SCN11A: variants seen among roughly 807,000 people sequenced by gnomAD.
SCN11A encodes sodium voltage-gated channel alpha subunit 11.
SCN11A carries 122 observed loss-of-function variants against 162.2 expected under a neutral mutation model. The observed-to-expected ratio is 0.75, with a 90% CI of 0.65 to 0.87. SCN11A has a LOEUF of 0.87. SCN11A is among the 40% of genes least tolerant of loss of function. The probability of loss-of-function intolerance (pLI) is 0.00; values close to 1 mark genes in which losing one functional copy is unlikely to be tolerated. For synonymous variants in SCN11A, 758 were observed against 751.5 expected (o/e 1.01, Z -0.14); for missense variants, 2,015 against 2,181.6 (o/e 0.92, Z 1.52).
At chr3:39,038,752 A>G (rs1383389798) in intron 1 of SCN11A, among the ~76,000 whole-genome samples, 4 of 152,194 alleles carry the variant, frequency 2.6e-5, no homozygotes, top group Non-Finnish European at 5.9e-5. Context: ...TATGGACTAA[A>G]TAATGAAGTT....
chr3:38,878,415 A>T (rs2065255708), intron 23 of SCN11A, among the ~76,000 whole-genome samples: 1 of 152,048 alleles, frequency 6.6e-6, no homozygotes, highest in Non-Finnish European at 1.5e-5. Flanking sequence ...ACACAAAAAG[A>T]GGGTAGACCA....
At chr3:38,876,046 A>G (rs2065202067) in intron 23 of SCN11A, among the ~76,000 whole-genome samples, 1 of 152,150 alleles carries the variant, frequency 6.6e-6, no homozygotes, top group Non-Finnish European at 1.5e-5. Flanking sequence ...AAGAACCCAG[A>G]AATAAAGCCA....
intron 7 of SCN11A, among the ~76,000 whole-genome samples, chr3:38,940,487 G>A (rs1248056969): frequency 6.6e-6 from 1 of 152,164 alleles, no homozygotes; most frequent in Non-Finnish European, 1.5e-5. Context: ...TGAAAACGCA[G>A]ACCAATGGAA....
intron 22 of SCN11A, 93 bp downstream of exon 22, chr3:38,883,140 C>G: frequency 8.8e-7 from 1 of 1,132,496 alleles, no homozygotes; most frequent in Non-Finnish European, 1.3e-6. Context: ...TGTCTGGTCT[C>G]CCATATTCAC....
intron 7 of SCN11A, among the ~76,000 whole-genome samples, chr3:38,939,037 G>A (rs1435389220): frequency 6.6e-6 from 1 of 152,012 alleles, no homozygotes; most frequent in Non-Finnish European, 1.5e-5. Flanking sequence ...GCCAGGCGTG[G>A]TGGTGCATGT....
At chr3:38,949,977 AG>A in intron 5 of SCN11A, 118 bp downstream of exon 5, 1 of 667,008 alleles carries the variant, frequency 1.5e-6, no homozygotes, top group Non-Finnish European at 2.5e-6. Context: ...AGCAAAGAAG[AG>A]GCACAGCCTG....
Position 38,847,450 on chromosome 3 carries a change from G to A in SCN11A, c.4620C>T (p.Ser1540=). 6.2e-7 allele frequency: 1 copy of A among 1,614,198 alleles called. No homozygotes were observed. The highest frequency in any genetic ancestry group is 8.5e-7 in the Non-Finnish European group (1 of 1,180,034). The change falls in exon 30 of 30, where the codon AGC becomes AGT. Residue 1540 remains serine, a synonymous_variant. Coordinates refer to ENST00000302328, the MANE Select transcript of SCN11A (RefSeq NM_001349253.2). ...TGCTTATCTGGAAGAGACAGAGCAT[G>A]CTGCTGGCAAAAGTCTTGAAGTTGA... ...DIFNFKTFAS[S]MLCLFQISTS... is the part of the protein sequence containing the mutation.
Position 38,925,454 on chromosome 3 carries a change from G to A in SCN11A, c.673C>T (p.Arg225Cys), listed in dbSNP as rs138607170. 8 of 1,613,718 alleles carry A rather than the reference G, an allele frequency of 5.0e-6. No homozygotes were observed. Among genetic ancestry groups the A allele is most frequent in the African/African-American group, 1.3e-5 (1 of 74,906 alleles). ...ATTGCTTTCAAAGCTCTGAACACAC[G>A]GAAGGTACGCAGGGGCAATAGTTTG... ...TIKLLPLRTF[R>C]VFRALKAISV... The change falls in exon 9 of 30, where the codon CGT becomes TGT. Residue 225 changes from arginine (R) to cysteine (C), a missense_variant. Transcript: ENST00000302328.
chr3:38,925,580 G>T, intron 8 of SCN11A, 71 bp from the exon 9 acceptor site: 2 of 1,080,532 alleles, frequency 1.9e-6, no homozygotes, highest in Non-Finnish European at 2.8e-6. Flanking sequence ...CTCCACAAAA[G>T]CCACAAGTAA....
intron 1 of SCN11A, among the ~76,000 whole-genome samples, chr3:39,042,494 C>A (rs538053474): frequency 1.3e-5 from 2 of 152,198 alleles, no homozygotes; most frequent in East Asian, 3.9e-4. Flanking sequence ...CAAATGGGAT[C>A]ACATCAAGAT....
At chr3:38,910,353 A>G (rs751647854) in intron 11 of SCN11A, 146 bp from the exon 12 acceptor site, 205 of 667,988 alleles carry the variant, frequency 3.1e-4, no homozygotes, top group Non-Finnish European at 4.1e-4. Context: ...GGCCCACTGC[A>G]CTGTCTGACA....
In SCN11A at chr3:38,894,663, G is replaced by A. The variant is rs778817718; in HGVS notation, c.2705C>T (p.Ser902Phe). The A allele has an allele frequency of 8.1e-6, 13 of 1,613,998 alleles. No homozygotes were observed. In the Middle Eastern group the frequency reaches 4.9e-4, roughly 61 times the overall value. The change falls in exon 19 of 30, where the codon TCT (serine) becomes TTT (phenylalanine). Residue 902 changes from serine (S) to phenylalanine (F), a missense_variant. Transcript: ENST00000302328. ...ETQEELGILT[S>F]VPKTLGVRHD... Reference sequence around the variant, plus strand: ...CCTGACGCCCAGGGTCTTTGGTACAGAGGTTAGTATACCAAGCTCCTCCTG... The same window carrying A: ...CCTGACGCCCAGGGTCTTTGGTACAAAGGTTAGTATACCAAGCTCCTCCTG...
Position 38,926,853 on chromosome 3 carries a change from AG to A in SCN11A, c.566del (p.Ser189PhefsTer17). ...LARGFILDEF[S>X]FLRDPWNWLD... ...GCCAGTTCCATGGATCTCGAAGGAA[AG>A]AAAACTCATCCAGAATGAAACCTCT... On this transcript the variant is annotated frameshift_variant, in exon 8 of 30. Coordinates refer to ENST00000302328, the MANE Select transcript of SCN11A (RefSeq NM_001349253.2). LOFTEE classifies it high-confidence loss of function. 3.1e-6 allele frequency: 5 copies of A among 1,613,698 alleles called. No individual in the cohort carries two copies. The highest frequency in any genetic ancestry group is 4.2e-6 in the Non-Finnish European group (5 of 1,179,546).
intron 2 of SCN11A, among the ~76,000 whole-genome samples, chr3:39,021,161 G>A (rs1475757752): frequency 6.6e-6 from 1 of 152,110 alleles, no homozygotes; most frequent in Non-Finnish European, 1.5e-5. Context: ...GAAGGTAAGG[G>A]AAACTTTTTG....
chr3:38,926,084 A>G (rs2066136247), intron 8 of SCN11A, among the ~76,000 whole-genome samples: 1 of 152,250 alleles, frequency 6.6e-6, no homozygotes, highest in South Asian at 2.1e-4. Flanking sequence ...TACATATTGA[A>G]TGATGCCAGG....
chr3:38,922,993 T>C (rs1186711021), intron 9 of SCN11A, among the ~76,000 whole-genome samples: 2 of 152,090 alleles, frequency 1.3e-5, no homozygotes, highest in Non-Finnish European at 2.9e-5. Context: ...TTTGTTTGTT[T>C]GTTTTAGTAA....
intron 1 of SCN11A, among the ~76,000 whole-genome samples, chr3:39,049,075 T>C (rs1396774866): frequency 1.3e-5 from 2 of 152,362 alleles, no homozygotes; most frequent in African/African-American, 4.8e-5. Flanking sequence ...GTAAGGGTTG[T>C]AATTGTTTTA....
chr3:39,040,499 A>G (rs1057138615), intron 1 of SCN11A, among the ~76,000 whole-genome samples: 1 of 152,256 alleles, frequency 6.6e-6, no homozygotes, highest in African/African-American at 2.4e-5. Context: ...ACACTGCCAA[A>G]GGAACACAAT....
At chr3:38,982,023 AC>A (rs1377270190) in intron 2 of SCN11A, among the ~76,000 whole-genome samples, 7 of 151,962 alleles carry the variant, frequency 4.6e-5, no homozygotes, top group Non-Finnish European at 5.9e-5. Context: ...AAAAAAAAAA[AC>A]AAAACAAAAA....
Sources: allele counts gnomAD v4.1 joint callset (sites outside exome capture counted in the v4.1 genomes callset), GRCh38; gene constraint gnomAD v4.1.1; transcripts MANE v1.5; gene names NCBI Gene and HGNC (gene_info 2026-07-23, HGNC 2026-07-21).